Variants in COL5A1 observed in about 807,000 individuals in gnomAD.
COL5A1 encodes collagen type V alpha 1 chain.
Under a neutral mutation model 263.7 loss-of-function variants are expected in COL5A1, and 16 were observed. The ratio of observed to expected loss-of-function variants is 0.06; its 90% confidence interval spans 0.04 to 0.09. COL5A1 has a LOEUF of 0.09. Ranked by LOEUF, COL5A1 falls within the 10% of genes least tolerant of loss-of-function variation. COL5A1 has a pLI of 1.00. For missense variants in COL5A1, 2,036 were observed against 2,540.5 expected (o/e 0.80, Z 4.27); for synonymous variants, 1,012 against 1,004.5 (o/e 1.01, Z -0.14).
At chr9:134,805,532 G>A (rs931465884) in intron 41 of COL5A1, among the ~76,000 whole-genome samples, 2 of 152,184 alleles carry the variant, frequency 1.3e-5, no homozygotes, top group Non-Finnish European at 2.9e-5. Flanking sequence ...CCTATCGTGG[G>A]TCTGGGCTGG....
At chr9:134,656,360 A>G (rs945724316) in intron 1 of COL5A1, among the ~76,000 whole-genome samples, 46 of 152,184 alleles carry the variant, frequency 3.0e-4, no homozygotes, top group Admixed American at 5.2e-4. Flanking sequence ...AAGAGAGCTC[A>G]GGGGATGAGG....
chr9:134,766,569 G>T, intron 22 of COL5A1, 71 bp downstream of exon 22: 2 of 1,485,178 alleles, frequency 1.3e-6, no homozygotes, highest in South Asian at 1.2e-5. Context: ...CCTGGCTAGG[G>T]AGGTCCATCG....
In COL5A1 at chr9:134,798,497, G is replaced by A. The variant is rs771754947; in HGVS notation, c.2952+36G>A. 5 of 1,606,348 alleles carry A rather than the reference G, an allele frequency of 3.1e-6. No homozygotes were observed. The East Asian group carries it at 1.1e-4, about 36-fold the overall frequency. On this transcript the variant is annotated intron_variant, in intron 37 of 65. Coordinates refer to ENST00000371817, the MANE Select transcript of COL5A1 (RefSeq NM_000093.5). Reference sequence around the variant, plus strand: ...AGGGTGCTGGGGGACGTGGCTGGCTGGCTCTCTGACCACCCTGCACGTGGG... The same window carrying A: ...AGGGTGCTGGGGGACGTGGCTGGCTAGCTCTCTGACCACCCTGCACGTGGG...
chr9:134,842,306 G>T lies in COL5A1; in HGVS notation c.*3G>T. On this transcript the variant is annotated 3_prime_UTR_variant, in exon 66 of 66. Transcript: ENST00000371817. This position sits in a 1 kb window ranked among gnomAD's most constrained non-coding sequence, Gnocchi z 5.8. ...GGCCGGCTTGCTTCATGGGCTAGGA[G>T]CCGCCGAGCCCGGGCTCCCGAGAGC... 3 of 1,614,044 alleles carry T rather than the reference G, an allele frequency of 1.9e-6. 1 individual carries two copies. In the South Asian group the frequency reaches 3.3e-5, roughly 18 times the overall value.
chr9:134,756,592 GC>G, intron 16 of COL5A1, among the ~76,000 whole-genome samples, 172 bp from the exon 17 acceptor site: 1 of 152,304 alleles, frequency 6.6e-6, no homozygotes, highest in East Asian at 1.9e-4. Context: ...GAACAGCCCC[GC>G]CCGGGCTCCT....
At chr9:134,669,125 C>T (rs1442695309) in intron 1 of COL5A1, among the ~76,000 whole-genome samples, 2 of 151,710 alleles carry the variant, frequency 1.3e-5, no homozygotes, top group Non-Finnish European at 2.9e-5. Flanking sequence ...ATTCAATCAC[C>T]CACCCATCCA....
intron 1 of COL5A1, among the ~76,000 whole-genome samples, chr9:134,651,489 A>G (rs1831684610): frequency 6.6e-6 from 1 of 152,208 alleles, no homozygotes; most frequent in African/African-American, 2.4e-5. Context: ...CCTGGGTGAC[A>G]GAGTGAGACC....
intron 65 of COL5A1, 33 bp downstream of exon 65, chr9:134,835,237 C>T (rs369615166): frequency 6.3e-7 from 1 of 1,578,846 alleles, no homozygotes; most frequent in African/African-American, 1.3e-5. Context: ...AGCACCCCTG[C>T]TCACGCCTCC....
In COL5A1 at chr9:134,784,518, C is replaced by T. The variant is rs578117563; in HGVS notation, c.2485-471C>T. ...CCTGGGACGCCTCCTGAGGCCCTCC[C>T]GTGTGCTCGTTATGCCCAGGTAACT... On this transcript the variant is annotated intron_variant, in intron 29 of 65. Transcript: ENST00000371817. Among the ~76,000 whole-genome samples the T allele has an allele frequency of 1.5e-3, 236 of 152,358 alleles. 2 individuals are homozygous for T. Among genetic ancestry groups the T allele is most frequent in the African/African-American group, 5.5e-3 (229 of 41,590 alleles).
chr9:134,650,076 C>T (rs1296889415), intron 1 of COL5A1, among the ~76,000 whole-genome samples: 1 of 152,036 alleles, frequency 6.6e-6, no homozygotes, highest in East Asian at 1.9e-4. Flanking sequence ...AGGAGAAATA[C>T]CTAATGTAGA....
Position 134,681,507 on chromosome 9 carries a change from G to C in COL5A1, c.110-9405G>C, listed in dbSNP as rs894744790. On this transcript the variant is annotated intron_variant, in intron 1 of 65. Transcript: ENST00000371817. This position sits in a 1 kb window ranked among gnomAD's most constrained non-coding sequence, Gnocchi z 4.3. The stretch of plus-strand genomic sequence containing the variant: ...ATGGGGCCACGGGTGGGACCGGAAT[G>C]GAGGCTGCCAGCTGTGTCTGGAGAG... 7.2e-5 allele frequency among the ~76,000 whole-genome samples: 11 copies of C among 152,208 alleles called. No homozygotes were observed. Among genetic ancestry groups the C allele is most frequent in the Non-Finnish European group, 1.5e-4 (10 of 68,038 alleles).
In COL5A1 at chr9:134,844,106, C is replaced by G. The variant is rs1830177597; in HGVS notation, c.*1803C>G. 6.6e-6 allele frequency: 1 copy of G among 152,488 alleles called. No individual in the cohort carries two copies. The highest frequency in any genetic ancestry group is 1.5e-5 in the Non-Finnish European group (1 of 68,044). 9.4% of individuals were successfully genotyped at this position (152,488 alleles called of 1,614,324 possible). On this transcript the variant is annotated 3_prime_UTR_variant, in exon 66 of 66. Transcript: ENST00000371817. ...TGAGCCTGCGGGGCTCTGGTGCTGT[C>G]CCCGACCCCCACCACCACCAGAATG...
intron 1 of COL5A1, among the ~76,000 whole-genome samples, chr9:134,664,235 G>A (rs915481984): frequency 1.3e-5 from 2 of 152,138 alleles, no homozygotes; most frequent in African/African-American, 2.4e-5. Flanking sequence ...TCTGAGATGC[G>A]AACTTTAAAA....
At chr9:134,812,298 A>T (rs759586929) in intron 46 of COL5A1, 151 bp from the exon 47 acceptor site, 9 of 743,260 alleles carry the variant, frequency 1.2e-5, no homozygotes, top group Non-Finnish European at 1.9e-5. Context: ...GAACCCCGGG[A>T]CGTCCTCGTG....
At chr9:134,685,072 C>A (rs1194647108) in intron 1 of COL5A1, among the ~76,000 whole-genome samples, 18 of 113,828 alleles carry the variant, frequency 1.6e-4, no homozygotes, top group East Asian at 5.3e-4. Flanking sequence ...ATCCATCCAT[C>A]CATCCATCCA....
In COL5A1 at chr9:134,763,744, C is replaced by G. The variant is rs748139985; in HGVS notation, c.2034+7C>G. ...GGGGCTGCCTGGGGAGCCCGTAAGT[C>G]TGTGAGCTGAGTGGGACGGTGGGGG... On this transcript the variant is annotated splice_region_variant and intron_variant, in intron 20 of 65. Transcript: ENST00000371817. The G allele has an allele frequency of 1.2e-6, 2 of 1,613,272 alleles. No individual in the cohort carries two copies. The highest frequency in any genetic ancestry group is 3.3e-5 in the Admixed American group (2 of 59,996).
In COL5A1 at chr9:134,785,153, C is replaced by G. The variant is rs1018421646; in HGVS notation, c.2592+57C>G. 22 of 1,441,144 alleles carry G rather than the reference C, an allele frequency of 1.5e-5. No homozygotes were observed. In the African/African-American group the frequency reaches 2.8e-4, roughly 18 times the overall value. 89.3% of individuals were successfully genotyped at this position (1,441,144 alleles called of 1,614,324 possible). A position where few individuals can be genotyped will look rare whatever the true frequency, so the allele number is the denominator to read the frequency against. ...TGGGAGGGATCTGACAGGCCCTTCC[C>G]CATGGCCTCGGGCTCCCGTTGGCTG... On this transcript the variant is annotated intron_variant, in intron 30 of 65. Coordinates refer to ENST00000371817, the MANE Select transcript of COL5A1 (RefSeq NM_000093.5).
chr9:134,763,640 G>T (rs374354165), intron 19 of COL5A1, 53 bp from the exon 20 acceptor site: 4 of 1,562,384 alleles, frequency 2.6e-6, no homozygotes, highest in Middle Eastern at 3.4e-4. Flanking sequence ...GGGGAAGCTG[G>T]TGTCCAGGCT....
In COL5A1 at chr9:134,794,654, A is replaced by C. The variant is rs1325498294; in HGVS notation, c.2701-428A>C. Among the ~76,000 whole-genome samples, 2 of 152,212 alleles carry C rather than the reference A, an allele frequency of 1.3e-5. No individual in the cohort carries two copies. Among genetic ancestry groups the C allele is most frequent in the Non-Finnish European group, 2.9e-5 (2 of 68,046 alleles). On this transcript the variant is annotated intron_variant, in intron 32 of 65. Transcript: ENST00000371817. The surrounding 1 kb of genome is among the most constrained non-coding windows in gnomAD (Gnocchi z 4.3). ...TAATATTCTTAACTGTAGCAAAAGTAAATTATGTATGAAAGGGGTTGACTT... is the reference window on the plus strand; with the variant it reads ...TAATATTCTTAACTGTAGCAAAAGTCAATTATGTATGAAAGGGGTTGACTT...
Sources: allele counts gnomAD v4.1 joint callset (sites outside exome capture counted in the v4.1 genomes callset), GRCh38; gene constraint gnomAD v4.1.1; non-coding constraint Gnocchi (gnomAD v3.1); transcripts MANE v1.5; gene names NCBI Gene and HGNC (gene_info 2026-07-23, HGNC 2026-07-21).